Variants in COPG1 observed in about 807,000 individuals in gnomAD.
The protein encoded by COPG1 is coat protein complex I subunit gamma 1.
A neutral mutation model predicts 102.8 loss-of-function variants in COPG1; 29 were observed. The ratio of observed to expected loss-of-function variants is 0.28; its 90% CI spans 0.21 to 0.38. The LOEUF (loss-of-function observed/expected upper bound fraction) is 0.38, where lower values mean the gene tolerates loss of function less well. Ranked by LOEUF, COPG1 falls within the 10% of genes least tolerant of loss-of-function variation. COPG1 has a pLI of 1.00. For missense variants in COPG1, 875 were observed against 1,132.7 expected, an observed-to-expected ratio of 0.77 and a Z score of 3.27; for synonymous variants, 406 against 421.6, an observed-to-expected ratio of 0.96 and a Z score of 0.45.
chr3:129,268,303 A>G (rs533907595), intron 16 of COPG1, among the ~76,000 whole-genome samples, 192 bp from the exon 17 acceptor site: 1 of 152,322 alleles, frequency 6.6e-6, no homozygotes, highest in South Asian at 2.1e-4. Flanking sequence ...CACTTTGTAT[A>G]TATGTTTATT....
rs1940237985 is a variant in COPG1 at position 129,274,940 on chromosome 3, G to C, written c.2359G>C (p.Glu787Gln). ...DEVGDEFEKE[E>Q]TFTLSTIKTL... is the part of the protein sequence containing the mutation. ...GGTAGGGGATGAATTTGAGAAGGAG[G>C]AAACGTTCACCTTGTCTACCATCAA... Residue 787 changes from glutamate to glutamine, a missense_variant, in exon 22 of 24, where the codon GAA (glutamate) becomes CAA (glutamine). Coordinates refer to ENST00000314797, the MANE Select transcript of COPG1 (RefSeq NM_016128.4). 6.2e-7 allele frequency: 1 copy of C among 1,614,092 alleles called. No individual in the cohort carries two copies. Among genetic ancestry groups the C allele is most frequent in the African/African-American group, 1.3e-5 (1 of 75,016 alleles).
rs957644685 is a variant in COPG1 at position 129,252,924 on chromosome 3, A to C, written c.292A>C (p.Ile98Leu). 1.2e-6 allele frequency: 2 copies of C among 1,614,160 alleles called. No homozygotes were observed. The highest frequency in any genetic ancestry group is 4.5e-5 in the East Asian group (2 of 44,880). ...CYLTIKEMSC[I>L]AEDVIIVTSS... The stretch of plus-strand genomic sequence containing the variant: ...CTTGACCATCAAGGAGATGTCTTGC[A>C]TTGCAGAGGATGTCATCATTGTCAC... The change falls in exon 5 of 24, where the codon ATT becomes CTT. Residue 98 changes from isoleucine to leucine, a missense_variant. Coordinates refer to ENST00000314797, the MANE Select transcript of COPG1 (RefSeq NM_016128.4).
In COPG1 at chr3:129,277,738, C is replaced by T. The variant is rs1297191245; in HGVS notation, c.*314C>T. 1 of 280,604 alleles carries T rather than the reference C, an allele frequency of 3.6e-6. No homozygotes were observed. Among genetic ancestry groups the T allele is most frequent in the Non-Finnish European group, 7.0e-6 (1 of 142,362 alleles). 17.4% of individuals were successfully genotyped at this position (280,604 alleles called of 1,614,324 possible). On this transcript the variant is annotated 3_prime_UTR_variant, in exon 24 of 24. Transcript: ENST00000314797. ...TTGAATCTATCCCCCAAGAAACCATCTTATCCCTGTAATAAATCAGCATGT... is the reference window on the plus strand; with the variant it reads ...TTGAATCTATCCCCCAAGAAACCATTTTATCCCTGTAATAAATCAGCATGT...
intron 12 of COPG1, among the ~76,000 whole-genome samples, chr3:129,262,244 T>C (rs944608866): frequency 1.4e-5 from 2 of 147,162 alleles, no homozygotes; most frequent in African/African-American, 5.3e-5. Flanking sequence ...CAAGACCTCA[T>C]CTCTACAAAT....
intron 13 of COPG1, 67 bp from the exon 14 acceptor site, chr3:129,265,482 C>T: frequency 1.3e-6 from 2 of 1,575,170 alleles, no homozygotes; most frequent in South Asian, 1.2e-5. Context: ...GTCCTTGGTC[C>T]AGCTCAGGTC....
rs751617681 is a variant in COPG1, at chr3:129,271,872, G to A, written c.1949G>A (p.Cys650Tyr). ...TCAGAGACGGAGTATGTCATCCGCTGCACCAAACACACCTTCACCAACCAC... is the reference window on the plus strand; with the variant it reads ...TCAGAGACGGAGTATGTCATCCGCTACACCAAACACACCTTCACCAACCAC... ...TESETEYVIR[C>Y]TKHTFTNHMV... Residue 650 changes from cysteine to tyrosine, a missense_variant, in exon 19 of 24, where the codon TGC (cysteine) becomes TAC (tyrosine). Coordinates refer to ENST00000314797, the MANE Select transcript of COPG1 (RefSeq NM_016128.4). This position sits in a 1 kb window ranked among gnomAD's most constrained non-coding sequence, Gnocchi z 4.7. The A allele has an allele frequency of 6.2e-7, 1 of 1,614,154 alleles. No individual in the cohort carries two copies. Among genetic ancestry groups the A allele is most frequent in the Admixed American group, 1.7e-5 (1 of 60,016 alleles).
At chr3:129,266,132 C>G (rs1007937419) in intron 14 of COPG1, among the ~76,000 whole-genome samples, 7 of 151,866 alleles carry the variant, frequency 4.6e-5, no homozygotes, top group Non-Finnish European at 1.0e-4. Flanking sequence ...CCATCATGCC[C>G]AGCTAATTTT....
In COPG1 at chr3:129,252,867, A is replaced by G. The variant is rs762210264; in HGVS notation, c.244-9A>G. 5.0e-6 allele frequency: 8 copies of G among 1,613,566 alleles called. No individual in the cohort carries two copies. The highest frequency in any genetic ancestry group is 1.7e-5 in the Admixed American group (1 of 59,984). On this transcript the variant is annotated splice_polypyrimidine_tract_variant and intron_variant, in intron 4 of 23. Coordinates refer to ENST00000314797, the MANE Select transcript of COPG1 (RefSeq NM_016128.4). ...CGGGCTGATAGGGCTTTTCCCACCTATCTCCCAGCCCACACTCCGTCGGAT... is the reference window on the plus strand; with the variant it reads ...CGGGCTGATAGGGCTTTTCCCACCTGTCTCCCAGCCCACACTCCGTCGGAT...
intron 9 of COPG1, 29 bp downstream of exon 9, chr3:129,257,656 A>C (rs1461231382): frequency 6.2e-7 from 1 of 1,614,004 alleles, no homozygotes; most frequent in Non-Finnish European, 8.5e-7. Context: ...CACCAGCTAG[A>C]TGATGCCTCA....
chr3:129,252,104 A>G (rs926825605), intron 2 of COPG1, among the ~76,000 whole-genome samples, 177 bp from the exon 3 acceptor site: 1 of 152,226 alleles, frequency 6.6e-6, no homozygotes, highest in African/African-American at 2.4e-5. Flanking sequence ...GAGTCTAAGA[A>G]TAATTAGTAG....
rs2107680091 is a variant in COPG1 at position 129,274,885 on chromosome 3, G to C, written c.2304G>C (p.Met768Ile). 1 of 1,614,212 alleles carries C rather than the reference G, an allele frequency of 6.2e-7. No individual in the cohort carries two copies. The highest frequency in any genetic ancestry group is 1.6e-4 in the Middle Eastern group (1 of 6,062). The change falls in exon 22 of 24, where the codon ATG becomes ATC. Residue 768 changes from methionine (M) to isoleucine (I), a missense_variant. Transcript: ENST00000314797. Reference sequence around the variant, plus strand: ...TAGCTGATCACATTCAAAAGGTCATGAAACTGAACTTCGAAGCAGCCTGGG... The same window carrying C: ...TAGCTGATCACATTCAAAAGGTCATCAAACTGAACTTCGAAGCAGCCTGGG... ...VTVADHIQKV[M>I]KLNFEAAWDE...
At chr3:129,252,140 C>A in intron 2 of COPG1, 141 bp from the exon 3 acceptor site, 1 of 622,088 alleles carries the variant, frequency 1.6e-6, no homozygotes, top group Non-Finnish European at 2.9e-6. Flanking sequence ...CAAACCCTTT[C>A]CTTATGAAAA....
At chr3:129,276,072 T>G (rs1461619439) in intron 23 of COPG1, among the ~76,000 whole-genome samples, 1 of 152,270 alleles carries the variant, frequency 6.6e-6, no homozygotes, top group Non-Finnish European at 1.5e-5. Context: ...CAAAGTGATT[T>G]GTGTTTCTCA....
At chr3:129,256,794 A>G (rs1939819440) in intron 8 of COPG1, among the ~76,000 whole-genome samples, 1 of 152,314 alleles carries the variant, frequency 6.6e-6, no homozygotes, top group East Asian at 1.9e-4. Context: ...GTGGCCCCTC[A>G]AAACACTTAT....
chr3:129,263,761 G>A, intron 12 of COPG1, 143 bp from the exon 13 acceptor site: 1 of 696,976 alleles, frequency 1.4e-6, no homozygotes, highest in Admixed American at 2.1e-5. Flanking sequence ...CAAGCGTGGA[G>A]TTGAGTTCCT....
chr3:129,259,730 G>T (rs1047752551), intron 10 of COPG1, among the ~76,000 whole-genome samples: 3 of 152,106 alleles, frequency 2.0e-5, no homozygotes, highest in African/African-American at 7.2e-5. Flanking sequence ...CTGAGCTTCC[G>T]GGCAGCCAGG....
rs777675711 is a variant in COPG1 at position 129,275,149 on chromosome 3, A to C, written c.2396-45A>C. On this transcript the variant is annotated intron_variant, in intron 22 of 23. Coordinates refer to ENST00000314797, the MANE Select transcript of COPG1 (RefSeq NM_016128.4). The surrounding 1 kb of genome is among the most constrained non-coding windows in gnomAD (Gnocchi z 5.0). The stretch of plus-strand genomic sequence containing the variant: ...ACATGGGGGAGTGGTGGTGGCACAA[A>C]GGGCAGATAAGATGGCTTAACAATA... The C allele has an allele frequency of 3.1e-5, 48 of 1,571,576 alleles. No homozygotes were observed. The highest frequency in any genetic ancestry group is 3.9e-5 in the Non-Finnish European group (45 of 1,142,208).
intron 10 of COPG1, among the ~76,000 whole-genome samples, chr3:129,259,460 CAAAAAAAAAAAAAA>C (rs781019383): frequency 2.1e-5 from 1 of 47,562 alleles, no homozygotes; most frequent in Admixed American, 2.3e-4. Context: ...GACTCTATCT[CAAAAAAAAAAAAAA>C]AAAAAAGAAA....
chr3:129,272,722 ACC>A (rs1296120251), intron 20 of COPG1, 83 bp from the exon 21 acceptor site: 1 of 794,750 alleles, frequency 1.3e-6, no homozygotes, highest in Non-Finnish European at 2.1e-6. Flanking sequence ...GCAGGCTGTG[ACC>A]CCTGCCTGCT....
Sources: allele counts gnomAD v4.1 joint callset (sites outside exome capture counted in the v4.1 genomes callset), GRCh38; gene constraint gnomAD v4.1.1; non-coding constraint Gnocchi (gnomAD v3.1); transcripts MANE v1.5; gene names NCBI Gene and HGNC (gene_info 2026-07-23, HGNC 2026-07-21).